PHKA1: variants seen among roughly 807,000 people sequenced by gnomAD.
PHKA1 encodes the protein phosphorylase b kinase regulatory subunit alpha, skeletal muscle isoform.
In PHKA1, 60 loss-of-function variants were observed where a neutral mutation model predicts 110.2. That is an observed-to-expected ratio of 0.54 (90% CI 0.44 to 0.68). PHKA1 has a LOEUF of 0.68. Ranked by LOEUF, PHKA1 falls within the 30% of genes least tolerant of loss-of-function variation. The pLI is 0.00. For missense variants in PHKA1, 801 were observed against 942.5 expected, an observed-to-expected ratio of 0.85 and a Z score of 1.97; for synonymous variants, 316 against 333.6, an observed-to-expected ratio of 0.95 and a Z score of 0.58.
chrX:72,654,916 G>C (rs2053473035), intron 10 of PHKA1, among the ~76,000 whole-genome samples: 1 of 105,065 alleles, frequency 9.5e-6, no homozygotes, highest in South Asian at 4.4e-4. Context: ...TCCTGCCTCA[G>C]CCTCCCAAGT....
rs1556335247 is a variant in PHKA1 at position 72,712,777 on chromosome X, A to G, written c.237+2T>C. ...ATCTCTTTGTATTTTTATTTTGAGT[A>G]CCTGCTCCAATTCATAGGCCTTTGC... On this transcript the variant is annotated splice_donor_variant, in intron 2 of 31. Transcript: ENST00000373542. LOFTEE classifies it high-confidence loss of function. The G allele has an allele frequency of 8.3e-7, 1 of 1,208,260 alleles. No homozygotes were observed. Among genetic ancestry groups the G allele is most frequent in the Non-Finnish European group, 1.1e-6 (1 of 892,799 alleles).
intron 23 of PHKA1, among the ~76,000 whole-genome samples, chrX:72,607,877 G>A (rs979116225): frequency 9.0e-6 from 1 of 111,464 alleles, no homozygotes; most frequent in African/African-American, 3.3e-5. Flanking sequence ...CCACTGCACT[G>A]TACATTTGTT....
At chrX:72,683,818 T>C (rs1198332099) in intron 5 of PHKA1, among the ~76,000 whole-genome samples, 1 of 112,600 alleles carries the variant, frequency 8.9e-6, no homozygotes, top group African/African-American at 3.2e-5. Flanking sequence ...TTTTTATTGA[T>C]GAGTAGTATT....
Position 72,605,530 on chromosome X carries a change from ATTC to A in PHKA1, c.2685+8_2685+10del, listed in dbSNP as rs782176924. 5.6e-4 allele frequency: 669 copies of A among 1,192,293 alleles called. 1 individual carries two copies. Among genetic ancestry groups the A allele is most frequent in the Non-Finnish European group, 7.3e-4 (640 of 878,806 alleles). On this transcript the variant is annotated splice_region_variant and intron_variant, in intron 24 of 31. Coordinates refer to ENST00000373542, the MANE Select transcript of PHKA1 (RefSeq NM_002637.4). ...ATCAGTCACCAGATTAGCCTTTACA[ATTC>A]TTCTCACCTGTGTAAGGATTGAAAT...
chrX:72,708,487 G>A (rs1301157840), intron 2 of PHKA1, among the ~76,000 whole-genome samples: 3 of 111,191 alleles, frequency 2.7e-5, no homozygotes, highest in African/African-American at 9.8e-5. Flanking sequence ...AAAATGTTTC[G>A]ACTTTACTTG....
At chrX:72,595,207 T>A (rs1364888852) in intron 28 of PHKA1, among the ~76,000 whole-genome samples, 4 of 111,747 alleles carry the variant, frequency 3.6e-5, no homozygotes, top group African/African-American at 6.5e-5. Flanking sequence ...TCTTAATAGA[T>A]ACAGAAAAAA....
At chrX:72,650,158 T>A (rs782682804) in intron 13 of PHKA1, among the ~76,000 whole-genome samples, 1 of 111,700 alleles carries the variant, frequency 9.0e-6, no homozygotes, top group South Asian at 3.8e-4. Flanking sequence ...AAGGAGTGGT[T>A]AAGGGTGTCA....
At chrX:72,636,148 A>G (rs2053227421) in intron 15 of PHKA1, 129 bp downstream of exon 15, 2 of 504,148 alleles carry the variant, frequency 4.0e-6, no homozygotes, top group Non-Finnish European at 7.2e-6. Context: ...ATATTAACTG[A>G]GTAAGTTATG....
chrX:72,682,477 T>C lies in PHKA1; in HGVS notation c.537+2021A>G, dbSNP rs1245386224. ...GGATGACAATGGCGGCTTTGTGGAATAGAAAGGCGGGAAAGGTGGGGAAAA... is the reference window on the plus strand; with the variant it reads ...GGATGACAATGGCGGCTTTGTGGAACAGAAAGGCGGGAAAGGTGGGGAAAA... On this transcript the variant is annotated intron_variant, in intron 5 of 31. Transcript: ENST00000373542. Among the ~76,000 whole-genome samples the C allele has an allele frequency of 9.5e-3, 1,044 of 110,156 alleles. 3 individuals carry two copies. The highest frequency in any genetic ancestry group is 0.033 in the African/African-American group (993 of 30,497).
intron 1 of PHKA1, 133 bp downstream of exon 1, chrX:72,713,670 T>TCACACA (rs58583639): frequency 0.071 from 32,090 of 449,607 alleles, 333 homozygotes; most frequent in Non-Finnish European, 0.092. Flanking sequence ...AAGGTCTCCG[T>TCACACA]CACACACACA....
intron 28 of PHKA1, 36 bp from the exon 29 acceptor site, chrX:72,593,310 T>G (rs1470481091): frequency 9.4e-7 from 1 of 1,066,085 alleles, no homozygotes; most frequent in East Asian, 3.0e-5. Flanking sequence ...AAATCAAAAG[T>G]TATCTCTGTT....
chrX:72,648,566 C>CT (rs782574382), intron 13 of PHKA1, among the ~76,000 whole-genome samples: 4 of 110,133 alleles, frequency 3.6e-5, no homozygotes, highest in East Asian at 2.8e-4. Context: ...TCATTTGTGT[C>CT]TTTTTTTTTC....
intron 3 of PHKA1, among the ~76,000 whole-genome samples, chrX:72,701,887 A>G (rs2054209703): frequency 8.9e-6 from 1 of 112,202 alleles, no homozygotes; most frequent in Non-Finnish European, 1.9e-5. Context: ...AAAAGGGGAA[A>G]CCGGAGAGAG....
At chrX:72,664,094 A>G (rs2053591958) in intron 8 of PHKA1, among the ~76,000 whole-genome samples, 1 of 111,615 alleles carries the variant, frequency 9.0e-6, no homozygotes, top group Admixed American at 9.5e-5. Context: ...TCATTTATCA[A>G]TAATAACCTT....
At chrX:72,705,628 T>C (rs2054273144) in intron 2 of PHKA1, among the ~76,000 whole-genome samples, 2 of 112,188 alleles carry the variant, frequency 1.8e-5, no homozygotes, top group African/African-American at 6.5e-5. Context: ...GCTTTCATTT[T>C]TTCTAAGCTA....
chrX:72,657,571 G>A lies in PHKA1; in HGVS notation c.918+17C>T, dbSNP rs782366917. On this transcript the variant is annotated intron_variant, in intron 9 of 31. Transcript: ENST00000373542. Reference sequence around the variant, plus strand: ...GGCCATTCTACCTTGGATTCATTTTGGAGAAAAGAAACCTACCTCTTTAGG... The same window carrying A: ...GGCCATTCTACCTTGGATTCATTTTAGAGAAAAGAAACCTACCTCTTTAGG... 1 of 1,180,243 alleles carries A rather than the reference G, an allele frequency of 8.5e-7. No homozygotes were observed. Among genetic ancestry groups the A allele is most frequent in the Non-Finnish European group, 1.2e-6 (1 of 868,688 alleles).
chrX:72,643,091 C>G (rs1382269642), intron 14 of PHKA1, among the ~76,000 whole-genome samples: 3 of 110,800 alleles, frequency 2.7e-5, no homozygotes, highest in African/African-American at 6.6e-5. Context: ...GTCCTTTCCT[C>G]CTTGGTTGAT....
At chrX:72,594,428 A>AG (rs2052563547) in intron 28 of PHKA1, among the ~76,000 whole-genome samples, 1 of 111,412 alleles carries the variant, frequency 9.0e-6, no homozygotes, top group African/African-American at 3.3e-5. Context: ...CAAGAAAAAA[A>AG]GGGGAAATAA....
chrX:72,698,234 T>C lies in PHKA1; in HGVS notation c.286-2358A>G, dbSNP rs193150640. ...TTTATAAATCCATTGGCATGCCTAATGTGTCCTTATATGTAATTATGTGTT... is the reference window on the plus strand; with the variant it reads ...TTTATAAATCCATTGGCATGCCTAACGTGTCCTTATATGTAATTATGTGTT... On this transcript the variant is annotated intron_variant, in intron 3 of 31. Transcript: ENST00000373542. 1.6e-4 allele frequency among the ~76,000 whole-genome samples: 18 copies of C among 111,023 alleles called. No homozygotes were observed. In the East Asian group the frequency reaches 4.8e-3, roughly 30 times the overall value.
Sources: gnomAD v4.1 joint callset for allele counts (sites outside exome capture counted in the v4.1 genomes callset) on GRCh38, gnomAD v4.1.1 for gene constraint, MANE v1.5 for transcripts, NCBI Gene and HGNC (gene_info 2026-07-23, HGNC 2026-07-21) for gene names.